SETDB2: variants seen among roughly 807,000 people sequenced by gnomAD.
SETDB2 encodes histone-lysine N-methyltransferase SETDB2.
Under a neutral mutation model 82.5 loss-of-function variants are expected in SETDB2, and 56 were observed. That is an observed-to-expected ratio of 0.68 (90% CI 0.55 to 0.85). SETDB2 has a LOEUF of 0.85. Among genes scored for constraint, SETDB2 ranks in the 40% least tolerant of loss-of-function variants. The pLI, the probability that SETDB2 is intolerant of heterozygous loss-of-function variation, is 0.00. For missense variants in SETDB2, 677 were observed against 816.4 expected, an observed-to-expected ratio of 0.83 and a Z score of 2.08; for synonymous variants, 272 against 284.9, an observed-to-expected ratio of 0.95 and a Z score of 0.46.
chr13:49,481,391 A>G (rs1307231170), intron 8 of SETDB2, among the ~76,000 whole-genome samples: 2 of 152,186 alleles, frequency 1.3e-5, no homozygotes, highest in Admixed American at 1.3e-4. Context: ...TTTTGTCTGC[A>G]TGGCTACAGG....
chr13:49,476,646 G>GTCGCTGCCAATCAAATA lies in SETDB2; in HGVS notation c.478_479insGCTGCCAATCAAATATC (p.His160ArgfsTer24). The GTCGCTGCCAATCAAATA allele has an allele frequency of 6.2e-7, 1 of 1,614,140 alleles. No individual in the cohort carries two copies. The highest frequency in any genetic ancestry group is 8.5e-7 in the Non-Finnish European group (1 of 1,180,028). On this transcript the variant is annotated frameshift_variant, in exon 6 of 14. Coordinates refer to ENST00000611815, the MANE Select transcript of SETDB2 (RefSeq NM_001160308.3). LOFTEE classifies it high-confidence loss of function. Reference sequence around the variant, plus strand: ...AACCCTCTGCAGCTGCCAATCAAATGTCACTTCCAAAGACGACATGCAAAG... The same window carrying GTCGCTGCCAATCAAATA: ...AACCCTCTGCAGCTGCCAATCAAATGTCGCTGCCAATCAAATATCACTTCCAAAGACGACATGCAAAG...
chr13:49,471,913 CAT>C (rs1232849321), intron 5 of SETDB2, among the ~76,000 whole-genome samples: 29 of 107,712 alleles, frequency 2.7e-4, no homozygotes, highest in Middle Eastern at 4.8e-3. Context: ...TCTCATGTGA[CAT>C]ATATATATAT....
intron 12 of SETDB2, among the ~76,000 whole-genome samples, chr13:49,489,907 GCCCC>G: frequency 3.3e-5 from 1 of 30,616 alleles, no homozygotes; most frequent in South Asian, 1.2e-3. Context: ...TATTTCTCCC[GCCCC>G]CCCCCCCTTT....
chr13:49,471,004 G>C (rs1259451742), intron 5 of SETDB2, among the ~76,000 whole-genome samples: 2 of 124,998 alleles, frequency 1.6e-5, no homozygotes, highest in Admixed American at 9.7e-5. Context: ...GGGTCTCACT[G>C]TCTCGCTGGG....
intron 6 of SETDB2, among the ~76,000 whole-genome samples, chr13:49,478,799 C>T (rs1415844545): frequency 6.6e-6 from 1 of 151,874 alleles, no homozygotes; most frequent in Admixed American, 6.6e-5. Context: ...GGTGGGACGC[C>T]CTTGTAGTCC....
intron 1 of SETDB2, among the ~76,000 whole-genome samples, chr13:49,447,400 C>G (rs542866159): frequency 7.9e-5 from 12 of 152,108 alleles, no homozygotes; most frequent in Non-Finnish European, 1.2e-4. Flanking sequence ...TTCTCTAAGA[C>G]TTCCAGTACA....
Position 49,481,105 on chromosome 13 carries a change from G to C in SETDB2, c.1145G>C (p.Cys382Ser). 6 of 1,609,952 alleles carry C rather than the reference G, an allele frequency of 3.7e-6. No homozygotes were observed. The highest frequency in any genetic ancestry group is 5.1e-6 in the Non-Finnish European group (6 of 1,178,604). ...LDDIDRGTFVCIYSGRLLSRA... is the reference protein window; with the variant it reads ...LDDIDRGTFVSIYSGRLLSRA... ...GACATTGACAGAGGGACATTTGTTT[G>C]CATTTATTCAGGTAAAGCAAAAGTT... The change falls in exon 8 of 14, where the codon TGC becomes TCC. Residue 382 changes from cysteine to serine, a missense_variant. This residue lies in a region of SETDB2 where 420 missense variants were observed against 554.6 expected (regional missense o/e 0.76). Transcript: ENST00000611815.
chr13:49,474,088 C>G (rs918297336), intron 5 of SETDB2, among the ~76,000 whole-genome samples: 2 of 152,150 alleles, frequency 1.3e-5, no homozygotes, highest in South Asian at 2.1e-4. Flanking sequence ...ATGGCAAAAC[C>G]CTGTCTGTAC....
At chr13:49,476,158 G>A (rs1566168808) in intron 5 of SETDB2, among the ~76,000 whole-genome samples, 1 of 152,154 alleles carries the variant, frequency 6.6e-6, no homozygotes, top group South Asian at 2.1e-4. Context: ...CAGACCTGGT[G>A]CGTGCCTATA....
chr13:49,451,184 A>G (rs991302975), intron 1 of SETDB2, among the ~76,000 whole-genome samples: 2 of 151,166 alleles, frequency 1.3e-5, no homozygotes, highest in Admixed American at 1.3e-4. Flanking sequence ...TATTCCTTGA[A>G]TCTTTCGTAT....
chr13:49,493,814 A>G lies in SETDB2; in HGVS notation c.*1965A>G, dbSNP rs867569854. 1.3e-5 allele frequency: 2 copies of G among 152,290 alleles called. No homozygotes were observed. The highest frequency in any genetic ancestry group is 3.4e-3 in the Middle Eastern group (1 of 294). 9.4% of individuals were successfully genotyped at this position (152,290 alleles called of 1,614,324 possible). On this transcript the variant is annotated 3_prime_UTR_variant, in exon 14 of 14. Transcript: ENST00000611815. ...CTGTCTTCTGGCTTCCAGGGTGACT[A>G]CTGGAAATTGAATGCCATTCTGTTC... is the stretch of plus-strand genomic sequence containing the variant.
At chr13:49,453,534 G>A (rs758927531) in intron 2 of SETDB2, among the ~76,000 whole-genome samples, 3 of 152,062 alleles carry the variant, frequency 2.0e-5, no homozygotes, top group African/African-American at 4.8e-5. Context: ...CTGACCTCAA[G>A]TGATCCACCC....
chr13:49,491,888 G>A lies in SETDB2; in HGVS notation c.*39G>A, dbSNP rs1958720037. The A allele has an allele frequency of 7.1e-7, 1 of 1,405,288 alleles. No homozygotes were observed. 87.1% of individuals were successfully genotyped at this position (1,405,288 alleles called of 1,614,324 possible). ...GCCTGTTTGTGAAATTAGCTTATCAGGCTGAAATTAAAGCCATGCAAAAGA... is the reference window on the plus strand; with the variant it reads ...GCCTGTTTGTGAAATTAGCTTATCAAGCTGAAATTAAAGCCATGCAAAAGA... On this transcript the variant is annotated 3_prime_UTR_variant, in exon 14 of 14. Transcript: ENST00000611815.
At chr13:49,483,596 T>C (rs751124036) in intron 10 of SETDB2, 33 bp downstream of exon 10, 1 of 757,988 alleles carries the variant, frequency 1.3e-6, no homozygotes, top group South Asian at 1.9e-5. Flanking sequence ...GGGACCCTTC[T>C]TTTCTTTTTT....
intron 12 of SETDB2, chr13:49,489,510 A>G (rs1193060880): frequency 6.6e-6 from 1 of 151,626 alleles, no homozygotes. Context: ...TTTAAAAAAA[A>G]AAAAAAAAGC....
In SETDB2 at chr13:49,483,609, A is replaced by ATT. The variant is rs745508872; in HGVS notation, c.1482+82_1482+83dup. 981 of 220,330 alleles carry ATT rather than the reference A, an allele frequency of 4.5e-3. 80 individuals are homozygous for ATT. Among genetic ancestry groups the ATT allele is most frequent in the Admixed American group, 5.7e-3 (44 of 7,736 alleles). The allele number at this position is 220,330 out of a possible 1,614,324, so 13.6% of individuals were successfully genotyped here. On this transcript the variant is annotated intron_variant, in intron 10 of 13. Transcript: ENST00000611815. ...TTGGGACCCTTCTTTTCTTTTTTAA[A>ATT]TTTTTTTTTTTTTTTTTTTTTTTTT...
At chr13:49,450,352 A>G (rs535642682) in intron 1 of SETDB2, among the ~76,000 whole-genome samples, 58 of 152,120 alleles carry the variant, frequency 3.8e-4, no homozygotes, top group African/African-American at 1.3e-3. Context: ...CTGGCTCTTC[A>G]TGTTAGTCTG....
At chr13:49,473,444 G>C (rs71434472) in intron 5 of SETDB2, among the ~76,000 whole-genome samples, 1 of 151,250 alleles carries the variant, frequency 6.6e-6, no homozygotes, top group Non-Finnish European at 1.5e-5. Context: ...CCAGCTACTC[G>C]AGAGGCTGAG....
chr13:49,491,233 A>G (rs1470037971), intron 13 of SETDB2, among the ~76,000 whole-genome samples: 2 of 152,238 alleles, frequency 1.3e-5, no homozygotes, highest in Non-Finnish European at 2.9e-5. Flanking sequence ...TTTTAAAGAT[A>G]TATACTATAG....
Sources: gnomAD v4.1 joint callset for allele counts (sites outside exome capture counted in the v4.1 genomes callset) on GRCh38, gnomAD v4.1.1 for gene constraint, gnomAD v4.1.1 regional missense constraint, MANE v1.5 for transcripts, NCBI Gene and HGNC (gene_info 2026-07-23, HGNC 2026-07-21) for gene names.